Variants in ZBTB7C observed in about 807,000 individuals in gnomAD.
ZBTB7C encodes zinc finger and BTB domain-containing protein 7C.
ZBTB7C carries 8 observed loss-of-function variants against 25.7 expected under a neutral mutation model. That is an observed-to-expected ratio of 0.31 (90% confidence interval 0.18 to 0.56). ZBTB7C has a LOEUF of 0.56. Among genes scored for constraint, ZBTB7C ranks in the 20% least tolerant of loss-of-function variants. ZBTB7C has a pLI of 0.91. For synonymous variants in ZBTB7C, 394 were observed against 369.0 expected (o/e 1.07, Z -0.78); for missense variants, 824 against 855.2 (o/e 0.96, Z 0.46).
chr18:48,180,861 G>A (rs1030377414), intron 3 of ZBTB7C, among the ~76,000 whole-genome samples: 2 of 152,132 alleles, frequency 1.3e-5, no homozygotes, highest in African/African-American at 4.8e-5. Flanking sequence ...AGGGTCTGAC[G>A]AAAGCCCAGG....
At chr18:48,142,312 C>T (rs577958414) in intron 3 of ZBTB7C, among the ~76,000 whole-genome samples, 1 of 152,330 alleles carries the variant, frequency 6.6e-6, no homozygotes, top group South Asian at 2.1e-4. Flanking sequence ...GGATTGGGGG[C>T]CAGCAGAGCC....
At chr18:48,129,626 C>T (rs1364904405) in intron 3 of ZBTB7C, among the ~76,000 whole-genome samples, 1 of 152,198 alleles carries the variant, frequency 6.6e-6, no homozygotes, top group Non-Finnish European at 1.5e-5. Flanking sequence ...AGCAGTGTCT[C>T]TAATGTCACT....
chr18:48,030,057 C>T, intron 4 of ZBTB7C, 146 bp from the exon 5 acceptor site: 2 of 1,040,994 alleles, frequency 1.9e-6, no homozygotes, highest in African/African-American at 1.6e-5. Flanking sequence ...TAGATCTACC[C>T]TCAACTGCTG....
intron 1 of ZBTB7C, among the ~76,000 whole-genome samples, chr18:48,391,393 G>C (rs1283027845): frequency 6.6e-6 from 1 of 152,164 alleles, no homozygotes; most frequent in Non-Finnish European, 1.5e-5. Flanking sequence ...ACTTCAAATG[G>C]TCCAGTGGCA....
At chr18:48,408,886 T>TCGCTGGCTCGCTCTC (rs2048343052) in intron 1 of ZBTB7C, among the ~76,000 whole-genome samples, 4 of 150,932 alleles carry the variant, frequency 2.7e-5, no homozygotes, top group South Asian at 2.1e-4. Flanking sequence ...CGGCGCCCGC[T>TCGCTGGCTCGCTCTC]CGCTGGCTCG....
chr18:48,063,515 AG>A (rs35374712), intron 3 of ZBTB7C, among the ~76,000 whole-genome samples: 1 of 152,260 alleles, frequency 6.6e-6, no homozygotes, highest in Non-Finnish European at 1.5e-5. Context: ...GAAAGGCAGG[AG>A]GGGAAGTTAA....
intron 2 of ZBTB7C, among the ~76,000 whole-genome samples, chr18:48,219,839 A>T (rs992058844): frequency 2.0e-5 from 3 of 152,168 alleles, no homozygotes; most frequent in Admixed American, 6.5e-5. Context: ...GTCAGAGCAG[A>T]GAGTGGGATG....
At chr18:48,367,175 T>TTTTATATATATATA (rs1247008733) in intron 1 of ZBTB7C, among the ~76,000 whole-genome samples, 9 of 62,248 alleles carry the variant, frequency 1.4e-4, no homozygotes, top group Admixed American at 6.2e-4. Flanking sequence ...TCCCCAAGTT[T>TTTTATATATATATA]TATATATATA....
chr18:48,131,766 A>G (rs1014447613), intron 3 of ZBTB7C, among the ~76,000 whole-genome samples: 7 of 152,224 alleles, frequency 4.6e-5, no homozygotes, highest in African/African-American at 1.7e-4. Context: ...AATGGCTCTC[A>G]CTATACCTAT....
At chr18:48,331,257 T>A (rs866649124) in intron 2 of ZBTB7C, among the ~76,000 whole-genome samples, 1 of 152,080 alleles carries the variant, frequency 6.6e-6, no homozygotes, top group African/African-American at 2.4e-5. Flanking sequence ...TGGACCAAAG[T>A]CTCAGAAAAT....
chr18:48,065,716 C>T lies in ZBTB7C; in HGVS notation c.-16-24593G>A, dbSNP rs187848122. Among the ~76,000 whole-genome samples, 622 of 152,286 alleles carry T rather than the reference C, an allele frequency of 4.1e-3. 3 individuals are homozygous for T. The highest frequency in any genetic ancestry group is 6.5e-3 in the Non-Finnish European group (443 of 68,014). On this transcript the variant is annotated intron_variant, in intron 3 of 4. Transcript: ENST00000590800. The stretch of plus-strand genomic sequence containing the variant: ...ACAAGCCTGGAGGCCTGACCTCTCG[C>T]CCTGGCTCTGGTGTGAAGCAGCCTC...
At chr18:48,175,291 T>C (rs903595716) in intron 3 of ZBTB7C, among the ~76,000 whole-genome samples, 1 of 152,146 alleles carries the variant, frequency 6.6e-6, no homozygotes, top group Admixed American at 6.5e-5. Context: ...GTTGTAGTGA[T>C]TTGGGTGAAA....
At chr18:48,039,855 T>C (rs1470384174) in intron 4 of ZBTB7C, 45 bp downstream of exon 4, 1 of 1,591,600 alleles carries the variant, frequency 6.3e-7, no homozygotes, top group Non-Finnish European at 8.5e-7. Flanking sequence ...CTGTCCCCCA[T>C]GGCCTCTGGC....
chr18:48,403,047 C>T (rs2145320893), intron 1 of ZBTB7C, among the ~76,000 whole-genome samples: 1 of 152,348 alleles, frequency 6.6e-6, no homozygotes, highest in South Asian at 2.1e-4. Context: ...AAGAGAAACC[C>T]TCCCTGCATC....
chr18:48,206,748 A>G (rs1288298963), intron 2 of ZBTB7C, among the ~76,000 whole-genome samples: 1 of 152,220 alleles, frequency 6.6e-6, no homozygotes, highest in Non-Finnish European at 1.5e-5. Flanking sequence ...AAGCTAAGAC[A>G]ACAAAGCTGC....
chr18:48,277,909 A>G (rs929579557), intron 2 of ZBTB7C, among the ~76,000 whole-genome samples: 1 of 151,860 alleles, frequency 6.6e-6, no homozygotes, highest in Non-Finnish European at 1.5e-5. Flanking sequence ...TTGAGGATGC[A>G]AGGGGGAGGA....
chr18:48,103,222 A>G (rs894475382), intron 3 of ZBTB7C, among the ~76,000 whole-genome samples: 1 of 151,622 alleles, frequency 6.6e-6, no homozygotes. Context: ...AAGGTCAGAA[A>G]AGCACATTCC....
At chr18:48,275,522 A>C (rs1001642153) in intron 2 of ZBTB7C, among the ~76,000 whole-genome samples, 8 of 152,164 alleles carry the variant, frequency 5.3e-5, no homozygotes, top group African/African-American at 1.9e-4. Flanking sequence ...CCCGACTGAG[A>C]GATGCCCCAG....
chr18:48,155,291 A>G (rs1486346895), intron 3 of ZBTB7C, among the ~76,000 whole-genome samples: 1 of 149,806 alleles, frequency 6.7e-6, no homozygotes, highest in East Asian at 2.0e-4. Context: ...AGCCAAATAA[A>G]TGAGGATTCC....
Sources: gnomAD v4.1 joint callset for allele counts (sites outside exome capture counted in the v4.1 genomes callset) on GRCh38, gnomAD v4.1.1 for gene constraint, MANE v1.5 for transcripts, NCBI Gene and HGNC (gene_info 2026-07-23, HGNC 2026-07-21) for gene names.